TAB2: variants seen among roughly 807,000 people sequenced by gnomAD.
TAB2 encodes the protein TGF-beta-activated kinase 1 and MAP3K7-binding protein 2.
In TAB2, 3 loss-of-function variants were observed where a neutral mutation model predicts 65.0. The observed-to-expected ratio is 0.05, with a 90% CI of 0.02 to 0.12. The LOEUF is 0.12. Among genes scored for constraint, TAB2 ranks in the 10% least tolerant of loss-of-function variants. The pLI is 1.00. For synonymous variants in TAB2, 298 were observed against 285.1 expected (o/e 1.05, Z -0.46); for missense variants, 623 against 840.3 (o/e 0.74, Z 3.20).
At chr6:149,242,431 CT>C (rs1266100093) in intron 1 of TAB2, among the ~76,000 whole-genome samples, 3 of 151,870 alleles carry the variant, frequency 2.0e-5, no homozygotes, top group African/African-American at 7.3e-5. Flanking sequence ...TATTTTTTTC[CT>C]GTGAATTGTT....
At chr6:149,272,164 A>G (rs1158063581) in intron 1 of TAB2, among the ~76,000 whole-genome samples, 1 of 152,228 alleles carries the variant, frequency 6.6e-6, no homozygotes, top group Admixed American at 6.5e-5. Flanking sequence ...AAGGCTCAAG[A>G]AAACCACTTT....
chr6:149,374,336 C>G (rs1781331625), intron 2 of TAB2, among the ~76,000 whole-genome samples: 1 of 152,202 alleles, frequency 6.6e-6, no homozygotes, highest in Admixed American at 6.5e-5. Flanking sequence ...CCTGCTACTT[C>G]AGCCTTCTGA....
At chr6:149,337,842 T>G (rs504985) in intron 1 of TAB2, among the ~76,000 whole-genome samples, 55,527 of 151,944 alleles carry the variant, frequency 0.37, 10,410 homozygotes, top group East Asian at 0.6. Flanking sequence ...TTTATATGTT[T>G]GATGATAGGG....
At chr6:149,395,921 C>T (rs1324260347) in intron 3 of TAB2, among the ~76,000 whole-genome samples, 1 of 151,940 alleles carries the variant, frequency 6.6e-6, no homozygotes, top group Non-Finnish European at 1.5e-5. Context: ...CCTTTTTTCC[C>T]TTCAATTTTG....
Position 149,379,365 on chromosome 6 carries a change from A to G in TAB2, c.1450A>G (p.Thr484Ala), listed in dbSNP as rs938772711. The change falls in exon 3 of 7, where the codon ACC (threonine) becomes GCC (alanine). Residue 484 changes from threonine to alanine, a missense_variant. Thr to Ala is a moderately conservative substitution (Grantham distance 58). Coordinates refer to ENST00000637181, the MANE Select transcript of TAB2 (RefSeq NM_001292034.3). ...AGTTTCACCAGGGGTGGTGTCCCCT[A>G]CCTTTGAACTTACAAATCTTCTTAA... is the stretch of plus-strand genomic sequence containing the variant. The part of the protein sequence containing the change: ...PAVSPGVVSP[T>A]FELTNLLNHP... 2.5e-6 allele frequency: 4 copies of G among 1,614,020 alleles called. No homozygotes were observed. The highest frequency in any genetic ancestry group is 4.5e-5 in the East Asian group (2 of 44,896).
intron 1 of TAB2, among the ~76,000 whole-genome samples, chr6:149,254,924 T>A (rs1242452962): frequency 6.6e-6 from 1 of 152,246 alleles, no homozygotes; most frequent in African/African-American, 2.4e-5. Flanking sequence ...ATTTAGATGA[T>A]ACTTAGATGA....
chr6:149,352,457 G>A (rs565451626), intron 1 of TAB2, among the ~76,000 whole-genome samples: 12 of 152,188 alleles, frequency 7.9e-5, no homozygotes, highest in South Asian at 4.1e-4. Flanking sequence ...TCCTGTTACA[G>A]GCTTGTTGGT....
chr6:149,378,778 G>T lies in TAB2; in HGVS notation c.863G>T (p.Ser288Ile). The T allele has an allele frequency of 6.2e-7, 1 of 1,613,982 alleles. No homozygotes were observed. The highest frequency in any genetic ancestry group is 1.1e-5 in the South Asian group (1 of 91,066). ...HQTSHVYMPISSPTTSQPPTI... is the reference protein window; with the variant it reads ...HQTSHVYMPIISPTTSQPPTI... ...ACCTCTCATGTCTACATGCCAATCAGTTCACCTACTACTTCACAACCACCA... is the reference window on the plus strand; with the variant it reads ...ACCTCTCATGTCTACATGCCAATCATTTCACCTACTACTTCACAACCACCA... Residue 288 changes from serine (S) to isoleucine (I), a missense_variant, in exon 3 of 7, where the codon AGT becomes ATT. This residue lies in a region of TAB2 where 550 missense variants were observed against 665.7 expected (regional missense o/e 0.83). Transcript: ENST00000637181.
At chr6:149,340,480 T>C (rs1399271819) in intron 1 of TAB2, among the ~76,000 whole-genome samples, 2 of 152,190 alleles carry the variant, frequency 1.3e-5, no homozygotes, top group East Asian at 3.8e-4. Flanking sequence ...CTTAATATGT[T>C]TTTTTAAAAG....
chr6:149,252,399 T>C (rs1239805908), intron 1 of TAB2, among the ~76,000 whole-genome samples: 1 of 85,572 alleles, frequency 1.2e-5, no homozygotes, highest in Non-Finnish European at 2.2e-5. Flanking sequence ...AAACTCTGCC[T>C]CAAAAAAAAA....
At chr6:149,255,694 T>C (rs182334814) in intron 1 of TAB2, among the ~76,000 whole-genome samples, 1 of 152,382 alleles carries the variant, frequency 6.6e-6, no homozygotes. Flanking sequence ...TATAATTATG[T>C]GATTTCTTTC....
intron 3 of TAB2, among the ~76,000 whole-genome samples, chr6:149,385,881 T>A (rs991311734): frequency 2.0e-4 from 30 of 152,342 alleles, no homozygotes; most frequent in African/African-American, 7.2e-4. Context: ...AAAGAAATTT[T>A]AAAAAACAAA....
chr6:149,276,383 A>C (rs1423683447), intron 1 of TAB2, among the ~76,000 whole-genome samples: 2 of 152,188 alleles, frequency 1.3e-5, no homozygotes, highest in African/African-American at 4.8e-5. Flanking sequence ...TATCCAGGAG[A>C]TATTAATGTG....
intron 6 of TAB2, 148 bp downstream of exon 6, chr6:149,399,332 C>T (rs931091460): frequency 8.9e-6 from 6 of 675,962 alleles, no homozygotes; most frequent in Non-Finnish European, 1.6e-5. Flanking sequence ...TGCTTATTTT[C>T]ATTTACATGC....
At chr6:149,368,667 G>GTGTGTGTA (rs1554262503) in intron 1 of TAB2, among the ~76,000 whole-genome samples, 1 of 152,042 alleles carries the variant, frequency 6.6e-6, no homozygotes, top group East Asian at 1.9e-4. Context: ...GTGTGTGTGT[G>GTGTGTGTA]TGTGTGTGTG....
chr6:149,236,395 T>C (rs369881132), intron 1 of TAB2, among the ~76,000 whole-genome samples: 43 of 152,152 alleles, frequency 2.8e-4, no homozygotes, highest in African/African-American at 1.0e-3. Context: ...GTCAGAATCA[T>C]GGGAGGAGCT....
intron 1 of TAB2, among the ~76,000 whole-genome samples, chr6:149,368,414 A>G (rs767891477): frequency 5.3e-5 from 8 of 152,070 alleles, no homozygotes; most frequent in Non-Finnish European, 1.0e-4. Flanking sequence ...GAAGGGAGGG[A>G]GAAAGTGAAG....
chr6:149,231,128 G>A (rs570446077), intron 1 of TAB2, among the ~76,000 whole-genome samples: 2 of 152,328 alleles, frequency 1.3e-5, no homozygotes, highest in South Asian at 4.1e-4. Flanking sequence ...TAAACTTGCA[G>A]CCTCACCTCA....
At chr6:149,267,495 A>G (rs1778284546) in intron 1 of TAB2, among the ~76,000 whole-genome samples, 1 of 152,186 alleles carries the variant, frequency 6.6e-6, no homozygotes, top group African/African-American at 2.4e-5. Flanking sequence ...TTTGTTGTTC[A>G]TTGCCTCTTC....
Sources: gnomAD v4.1 joint callset for allele counts (sites outside exome capture counted in the v4.1 genomes callset) on GRCh38, gnomAD v4.1.1 for gene constraint, gnomAD v4.1.1 regional missense constraint, MANE v1.5 for transcripts, NCBI Gene and HGNC (gene_info 2026-07-23, HGNC 2026-07-21) for gene names.